PCDHGA3: variants seen among roughly 807,000 people sequenced by gnomAD.
The protein encoded by PCDHGA3 is protocadherin gamma subfamily A, 3.
A neutral mutation model predicts 58.5 loss-of-function variants in PCDHGA3; 40 were observed. The observed-to-expected ratio is 0.68, with a 90% CI of 0.53 to 0.89. The LOEUF is 0.89. Ranked by LOEUF, PCDHGA3 falls within the 40% of genes least tolerant of loss-of-function variation. PCDHGA3 has a pLI of 0.00. For synonymous variants in PCDHGA3, 530 were observed against 525.7 expected (o/e 1.01, Z -0.11); for missense variants, 1,223 against 1,195.9 (o/e 1.02, Z -0.33).
intron 1 of PCDHGA3, chr5:141,357,513 C>T (rs1239819911): frequency 2.5e-6 from 4 of 1,614,122 alleles, no homozygotes; most frequent in East Asian, 2.2e-5. Context: ...TGATCTTCTC[C>T]CAACCCAGCT....
intron 1 of PCDHGA3, chr5:141,372,119 C>T (rs568477128): frequency 1.2e-6 from 2 of 1,613,802 alleles, no homozygotes; most frequent in East Asian, 2.2e-5. Context: ...CTGCGCTCTT[C>T]GATATGGTGC....
rs554670088 is a variant in PCDHGA3 at position 141,391,069 on chromosome 5, T to C, written c.2424+44612T>C. The C allele has an allele frequency of 4.1e-4, 63 of 152,324 alleles. 1 individual carries two copies. Among genetic ancestry groups the C allele is most frequent in the African/African-American group, 1.4e-3 (59 of 41,576 alleles). The allele number at this position is 152,324 out of a possible 1,614,324, so 9.4% of individuals were successfully genotyped here. A position where few individuals can be genotyped will look rare whatever the true frequency, so the allele number is the denominator to read the frequency against. ...GTCCCTCTCACACACAGCCCTAATA[T>C]ATAATGTGTAACTGCCTTATCTGCA... On this transcript the variant is annotated intron_variant, in intron 1 of 3. Transcript: ENST00000253812.
At chr5:141,397,810 A>G (rs2093570260) in intron 1 of PCDHGA3, among the ~76,000 whole-genome samples, 1 of 152,218 alleles carries the variant, frequency 6.6e-6, no homozygotes. Context: ...TAGGCACACA[A>G]AAACAATTAC....
chr5:141,486,337 C>T lies in PCDHGA3; in HGVS notation c.2425-8470C>T, dbSNP rs116799150. On this transcript the variant is annotated intron_variant, in intron 1 of 3. Coordinates refer to ENST00000253812, the MANE Select transcript of PCDHGA3 (RefSeq NM_018916.4). The surrounding 1 kb of genome is among the most constrained non-coding windows in gnomAD (Gnocchi z 5.0). ...GGTCAAACGGAGATGTGAGCCTCCG[C>T]ATTCCTGACCACTTGCCATTTGCCC... 1 of 1,614,076 alleles carries T rather than the reference C, an allele frequency of 6.2e-7. No homozygotes were observed. Among genetic ancestry groups the T allele is most frequent in the Non-Finnish European group, 8.5e-7 (1 of 1,179,966 alleles).
chr5:141,415,740 G>GTTTT lies in PCDHGA3; in HGVS notation c.2424+69312_2424+69315dup, dbSNP rs57426385. ...TGAGTAGAATTTGATGTTTATTAAG[G>GTTTT]TTTTTTTTTTTTTTTTTTTTTTTTT... On this transcript the variant is annotated intron_variant, in intron 1 of 3. Transcript: ENST00000253812. 3.9e-3 allele frequency: 2,454 copies of GTTTT among 623,032 alleles called. 15 individuals carry two copies. Among genetic ancestry groups the GTTTT allele is most frequent in the South Asian group, 7.6e-3 (262 of 34,698 alleles). 38.6% of individuals were successfully genotyped at this position (623,032 alleles called of 1,614,324 possible).
At chr5:141,410,471 G>GC in intron 1 of PCDHGA3, 1 of 1,613,988 alleles carries the variant, frequency 6.2e-7, no homozygotes, top group Non-Finnish European at 8.5e-7. Flanking sequence ...TCTGTGCATT[G>GC]CACATACGGG....
intron 1 of PCDHGA3, chr5:141,414,130 T>C (rs761622500): frequency 6.3e-7 from 1 of 1,594,602 alleles, no homozygotes; most frequent in South Asian, 1.1e-5. Context: ...AACCGGTTTC[T>C]ATGAAATAGA....
At position 141,413,426 on chromosome 5, in the gene PCDHGA3, G is replaced by T. The variant is rs138985917; in HGVS notation, c.2424+66969G>T. On this transcript the variant is annotated intron_variant, in intron 1 of 3. Transcript: ENST00000253812. Reference sequence around the variant, plus strand: ...ACGCAGCTTTTCTCTCTGAACCCGCGCAGCGGCAGCTTGATCACCGCGGGC... The same window carrying T: ...ACGCAGCTTTTCTCTCTGAACCCGCTCAGCGGCAGCTTGATCACCGCGGGC... 776 of 1,614,090 alleles carry T rather than the reference G, an allele frequency of 4.8e-4. 5 individuals carry two copies. The African/African-American group carries it at 9.2e-3, about 19-fold the overall frequency.
At chr5:141,366,058 G>A in intron 1 of PCDHGA3, 2 of 1,614,242 alleles carry the variant, frequency 1.2e-6, no homozygotes, top group Non-Finnish European at 1.7e-6. Context: ...CGGGCGTGGA[G>A]CTGGCGCCTC....
chr5:141,375,452 T>C (rs772369254), intron 1 of PCDHGA3: 2 of 1,613,876 alleles, frequency 1.2e-6, no homozygotes, highest in Non-Finnish European at 1.7e-6. Context: ...CCATTCATCC[T>C]ACTCAGTCTA....
chr5:141,458,578 TG>T, intron 1 of PCDHGA3, among the ~76,000 whole-genome samples: 1 of 152,138 alleles, frequency 6.6e-6, no homozygotes. Context: ...TTTGTTTGTT[TG>T]TTTGTTTTGG....
intron 1 of PCDHGA3, chr5:141,350,011 G>T (rs1758389447): frequency 5.6e-6 from 2 of 357,822 alleles, no homozygotes; most frequent in Non-Finnish European, 5.0e-6. Context: ...GCTGGGCCCT[G>T]TGCAGTTTTC....
intron 1 of PCDHGA3, chr5:141,421,898 A>T: frequency 6.2e-7 from 1 of 1,613,736 alleles, no homozygotes; most frequent in Non-Finnish European, 8.5e-7. Flanking sequence ...CCCATCCGAA[A>T]GGGCGCAGTT....
chr5:141,399,682 G>A (rs778817737), intron 1 of PCDHGA3: 14 of 1,613,512 alleles, frequency 8.7e-6, no homozygotes, highest in Non-Finnish European at 1.2e-5. Flanking sequence ...CTTTGACTAC[G>A]AGCAGCTGCG....
chr5:141,490,565 T>C lies in PCDHGA3; in HGVS notation c.2425-4242T>C. ...CTACACAAACATCTCACCATCAGGC[T>C]CAACATTTCAGATGTCAATGACAAT... On this transcript the variant is annotated intron_variant, in intron 1 of 3. Coordinates refer to ENST00000253812, the MANE Select transcript of PCDHGA3 (RefSeq NM_018916.4). This position sits in a 1 kb window ranked among gnomAD's most constrained non-coding sequence, Gnocchi z 5.4. 8 of 1,614,116 alleles carry C rather than the reference T, an allele frequency of 5.0e-6. No individual in the cohort carries two copies. Among genetic ancestry groups the C allele is most frequent in the Non-Finnish European group, 6.8e-6 (8 of 1,180,024 alleles).
chr5:141,374,674 G>A, intron 1 of PCDHGA3: 1 of 1,610,698 alleles, frequency 6.2e-7, no homozygotes, highest in Non-Finnish European at 8.5e-7. Flanking sequence ...TGGTGCTGGA[G>A]GGCACACTGG....
chr5:141,466,020 G>A (rs973577698), intron 1 of PCDHGA3, among the ~76,000 whole-genome samples: 2 of 151,974 alleles, frequency 1.3e-5, no homozygotes, highest in South Asian at 4.1e-4. Context: ...TACTCGGGAG[G>A]GTGAGGCAGG....
intron 2 of PCDHGA3, among the ~76,000 whole-genome samples, chr5:141,500,942 C>T (rs937418207): frequency 2.0e-5 from 3 of 151,926 alleles, no homozygotes; most frequent in Non-Finnish European, 4.4e-5. Context: ...CATCTCGGCT[C>T]ACTGCAAGCT....
intron 1 of PCDHGA3, chr5:141,430,541 C>T: frequency 2.5e-6 from 1 of 392,344 alleles, no homozygotes; most frequent in Non-Finnish European, 4.5e-6. Flanking sequence ...ACTCTGAGCG[C>T]CGCTGTTCAC....
Sources: allele counts gnomAD v4.1 joint callset (sites outside exome capture counted in the v4.1 genomes callset), GRCh38; gene constraint gnomAD v4.1.1; non-coding constraint Gnocchi (gnomAD v3.1); transcripts MANE v1.5; gene names NCBI Gene and HGNC (gene_info 2026-07-23, HGNC 2026-07-21).